Variants in RGL1 observed in about 807,000 individuals in gnomAD.
The protein encoded by RGL1 is ral guanine nucleotide dissociation stimulator like 1, also known as ral guanine nucleotide dissociation stimulator-like 1.
A neutral mutation model predicts 95.2 loss-of-function variants in RGL1; 24 were observed. That is an observed-to-expected ratio of 0.25 (90% CI 0.18 to 0.35). RGL1 has a LOEUF of 0.35. Ranked by LOEUF, RGL1 falls within the 10% of genes least tolerant of loss-of-function variation. The probability of loss-of-function intolerance (pLI) is 1.00; values close to 1 mark genes in which losing one functional copy is unlikely to be tolerated. For missense variants in RGL1, 715 were observed against 936.3 expected (o/e 0.76, Z 3.08); for synonymous variants, 329 against 344.9 (o/e 0.95, Z 0.51).
At position 183,805,210 on chromosome 1, in the gene RGL1, CG is replaced by C. The variant is rs1661205089; in HGVS notation, c.-87del. On this transcript the variant is annotated 5_prime_UTR_variant, in exon 1 of 18. Transcript: ENST00000360851. ...GCTCGGGACCGGGACCGGGGCGAGG[CG>C]CCGCGGGGCTGAGCCCAGCAGACAT... 10 of 1,551,100 alleles carry C rather than the reference CG, an allele frequency of 6.4e-6. No homozygotes were observed. Among genetic ancestry groups the C allele is most frequent in the Non-Finnish European group, 8.7e-6 (10 of 1,147,150 alleles).
At position 183,926,376 on chromosome 1, in the gene RGL1, G is replaced by A. The variant is rs947215268; in HGVS notation, c.*84G>A. 6.4e-5 allele frequency: 76 copies of A among 1,182,762 alleles called. No homozygotes were observed. The highest frequency in any genetic ancestry group is 2.5e-4 in the Middle Eastern group (1 of 4,068). 73.3% of individuals were successfully genotyped at this position (1,182,762 alleles called of 1,614,324 possible). ...GCGGTGATTGCAATTACCATCCGGT[G>A]TTCGAGGATCATTGGTGAAGTCAGC... On this transcript the variant is annotated 3_prime_UTR_variant, in exon 18 of 18. Transcript: ENST00000360851.
At chr1:183,847,856 C>T (rs550652007) in intron 3 of RGL1, 82 bp downstream of exon 3, 37 of 1,013,648 alleles carry the variant, frequency 3.7e-5, no homozygotes, top group Non-Finnish European at 5.5e-5. Flanking sequence ...ATCACCTGCA[C>T]TTGGTATTCG....
At chr1:183,762,956 C>T (rs1007986116) in intron 2 of RGL1, among the ~76,000 whole-genome samples, 1 of 152,158 alleles carries the variant, frequency 6.6e-6, no homozygotes, top group Non-Finnish European at 1.5e-5. Flanking sequence ...TTTATCATGG[C>T]ACTGTTCACA....
chr1:183,752,471 C>T (rs556703734), intron 2 of RGL1, among the ~76,000 whole-genome samples: 1 of 152,096 alleles, frequency 6.6e-6, no homozygotes, highest in Non-Finnish European at 1.5e-5. Context: ...GTGATCCGCC[C>T]ACCTCGGCCT....
chr1:183,920,990 T>G (rs1669281214), intron 16 of RGL1, among the ~76,000 whole-genome samples: 1 of 152,232 alleles, frequency 6.6e-6, no homozygotes, highest in Non-Finnish European at 1.5e-5. Context: ...GGGGGCTTTC[T>G]TTCTATAGTC....
intron 2 of RGL1, among the ~76,000 whole-genome samples, chr1:183,826,854 G>A (rs999037470): frequency 6.6e-6 from 1 of 152,120 alleles, no homozygotes; most frequent in African/African-American, 2.4e-5. Flanking sequence ...AATAATTCCT[G>A]TATTGAACAC....
chr1:183,669,027 C>T (rs1252660076), intron 1 of RGL1, among the ~76,000 whole-genome samples: 1 of 149,488 alleles, frequency 6.7e-6, no homozygotes, highest in Non-Finnish European at 1.5e-5. Context: ...ACTGCAACCT[C>T]CGCCTCCCGG....
At chr1:183,668,282 T>C (rs1488058284) in intron 1 of RGL1, among the ~76,000 whole-genome samples, 2 of 152,176 alleles carry the variant, frequency 1.3e-5, no homozygotes, top group Non-Finnish European at 2.9e-5. Flanking sequence ...GAGGAAGTAT[T>C]TCTCTTTCAC....
chr1:183,798,878 C>CTT (rs35765152), intron 2 of RGL1, among the ~76,000 whole-genome samples: 25 of 88,180 alleles, frequency 2.8e-4, no homozygotes, highest in Non-Finnish European at 4.4e-4. Context: ...GCAGGATTTC[C>CTT]TTTTTTTTTT....
intron 1 of RGL1, among the ~76,000 whole-genome samples, chr1:183,714,111 G>A (rs1225027627): frequency 1.3e-5 from 2 of 152,124 alleles, no homozygotes; most frequent in Non-Finnish European, 2.9e-5. Context: ...GATTTTTCAC[G>A]CTTTCCAAAA....
chr1:183,811,856 A>C (rs1661739656), intron 2 of RGL1, among the ~76,000 whole-genome samples: 1 of 152,242 alleles, frequency 6.6e-6, no homozygotes, highest in African/African-American at 2.4e-5. Context: ...CTTATACTTA[A>C]AAGTGTATAT....
chr1:183,791,966 G>T (rs577536916), intron 2 of RGL1, among the ~76,000 whole-genome samples: 16 of 152,220 alleles, frequency 1.1e-4, no homozygotes, highest in African/African-American at 3.9e-4. Context: ...CCATGTATAT[G>T]TATGTACTAA....
At position 183,742,004 on chromosome 1, in the gene RGL1, C is replaced by T. The variant is rs1287840723; in HGVS notation, c.-32-122C>T. On this transcript the variant is annotated intron_variant, in intron 1 of 18. Coordinates refer to the RGL1 transcript ENST00000304685. ...TAAAAGTGGCCATAAAAGTTGATGC[C>T]TATTATGATACTGTCTTTAATGGTC... The T allele has an allele frequency of 1.2e-5, 8 of 661,106 alleles. No homozygotes were observed. The East Asian group carries it at 2.2e-4, about 18-fold the overall frequency. 41.0% of individuals were successfully genotyped at this position (661,106 alleles called of 1,614,324 possible). A position where few individuals can be genotyped will look rare whatever the true frequency, so the allele number is the denominator to read the frequency against.
intron 2 of RGL1, among the ~76,000 whole-genome samples, chr1:183,776,817 G>C (rs982217912): frequency 2.6e-5 from 4 of 152,178 alleles, no homozygotes; most frequent in Admixed American, 2.6e-4. Context: ...CCTGGGGAGA[G>C]TTCATCCACA....
At chr1:183,788,564 C>T (rs1232210697) in intron 2 of RGL1, among the ~76,000 whole-genome samples, 5 of 152,198 alleles carry the variant, frequency 3.3e-5, no homozygotes, top group Admixed American at 3.3e-4. Context: ...ACCTCCCTTA[C>T]TTTAGATCCA....
intron 14 of RGL1, among the ~76,000 whole-genome samples, chr1:183,910,693 C>T (rs1005724075): frequency 6.6e-6 from 1 of 152,196 alleles, no homozygotes; most frequent in East Asian, 1.9e-4. Context: ...TCAGATCTGT[C>T]ATCTAGTTCA....
intron 2 of RGL1, among the ~76,000 whole-genome samples, chr1:183,825,405 G>C (rs764387944): frequency 2.0e-5 from 3 of 152,146 alleles, no homozygotes; most frequent in Non-Finnish European, 2.9e-5. Context: ...GTTAGCCTAG[G>C]AGTCAGAAAA....
chr1:183,693,116 G>A (rs1654058351), intron 1 of RGL1, among the ~76,000 whole-genome samples: 1 of 151,984 alleles, frequency 6.6e-6, no homozygotes, highest in South Asian at 2.1e-4. Flanking sequence ...CACCACACCC[G>A]GCTAATTTTT....
At chr1:183,829,899 C>G (rs1663144610) in intron 2 of RGL1, among the ~76,000 whole-genome samples, 1 of 152,112 alleles carries the variant, frequency 6.6e-6, no homozygotes, top group Non-Finnish European at 1.5e-5. Flanking sequence ...ACCTGATCCT[C>G]TCATGTTTTT....
Sources: allele counts gnomAD v4.1 joint callset (sites outside exome capture counted in the v4.1 genomes callset), GRCh38; gene constraint gnomAD v4.1.1; transcripts MANE v1.5; gene names NCBI Gene and HGNC (gene_info 2026-07-23, HGNC 2026-07-21).